Variants in MAGI2 observed in about 807,000 individuals in gnomAD.
MAGI2 encodes membrane associated guanylate kinase, WW and PDZ domain containing 2.
In MAGI2, 35 loss-of-function variants were observed where a neutral mutation model predicts 133.3. The ratio of observed to expected loss-of-function variants is 0.26; its 90% CI spans 0.20 to 0.35. The LOEUF is 0.35. Ranked by LOEUF, MAGI2 falls within the 10% of genes least tolerant of loss-of-function variation. MAGI2 has a pLI of 1.00. For missense variants in MAGI2, 1,636 were observed against 1,863.4 expected (o/e 0.88, Z 2.25); for synonymous variants, 729 against 710.6 (o/e 1.03, Z -0.41).
At chr7:78,113,872 A>C (rs777071964) in intron 20 of MAGI2, among the ~76,000 whole-genome samples, 38 of 152,224 alleles carry the variant, frequency 2.5e-4, no homozygotes, top group Admixed American at 5.2e-4. Context: ...CCTTCCTGGA[A>C]ATATTATTCC....
intron 1 of MAGI2, among the ~76,000 whole-genome samples, chr7:79,105,234 A>G (rs1474181721): frequency 1.3e-5 from 2 of 152,224 alleles, no homozygotes; most frequent in Non-Finnish European, 2.9e-5. Context: ...AAAGCACTAT[A>G]TAATCCCCAG....
At chr7:78,896,514 T>A (rs924646617) in intron 2 of MAGI2, among the ~76,000 whole-genome samples, 1 of 148,926 alleles carries the variant, frequency 6.7e-6, no homozygotes, top group African/African-American at 2.4e-5. Flanking sequence ...AGGAAACCTA[T>A]CCTCTAAATG....
chr7:78,399,829 G>T (rs867456298), intron 6 of MAGI2, among the ~76,000 whole-genome samples: 17 of 122,140 alleles, frequency 1.4e-4, no homozygotes, highest in Admixed American at 1.1e-3. Flanking sequence ...AAAAAAAAAG[G>T]CATAACATTT....
intron 6 of MAGI2, chr7:78,486,781 G>A (rs1269488829): frequency 2.4e-6 from 1 of 418,650 alleles, no homozygotes; most frequent in East Asian, 6.1e-5. Context: ...CGTCAAGTTT[G>A]AAATTCCTAT....
intron 21 of MAGI2, among the ~76,000 whole-genome samples, chr7:78,053,778 A>G (rs1368393899): frequency 6.6e-6 from 1 of 152,164 alleles, no homozygotes; most frequent in Non-Finnish European, 1.5e-5. Context: ...AGGATGACAA[A>G]AACGCGAAGT....
intron 2 of MAGI2, among the ~76,000 whole-genome samples, chr7:78,901,727 C>A (rs532879369): frequency 6.6e-6 from 1 of 151,634 alleles, no homozygotes; most frequent in African/African-American, 2.4e-5. Flanking sequence ...ATTAAGTGAT[C>A]GGTTCTTGTC....
At chr7:78,536,908 C>T (rs1797998159) in intron 3 of MAGI2, among the ~76,000 whole-genome samples, 1 of 151,914 alleles carries the variant, frequency 6.6e-6, no homozygotes, top group South Asian at 2.1e-4. Flanking sequence ...GTGCACTCAG[C>T]ACCTATGCAG....
chr7:79,266,556 G>T (rs529633233), intron 1 of MAGI2, among the ~76,000 whole-genome samples: 27 of 152,196 alleles, frequency 1.8e-4, no homozygotes, highest in Admixed American at 3.3e-4. Flanking sequence ...ATAGGCAACT[G>T]CCCAGGTGAT....
chr7:78,603,119 C>T (rs1372454074), intron 3 of MAGI2, among the ~76,000 whole-genome samples: 1 of 151,550 alleles, frequency 6.6e-6, no homozygotes, highest in Non-Finnish European at 1.5e-5. Flanking sequence ...GTATTTTTTT[C>T]AATTAAAGTG....
At position 79,026,715 on chromosome 7, in the gene MAGI2, A is replaced by G. The variant is rs571659930; in HGVS notation, c.302-19509T>C. On this transcript the variant is annotated intron_variant, in intron 1 of 21. Transcript: ENST00000354212. ...TGATGAAACCCCGTTTCCACTAAAA[A>G]TACAAAAACTTAGTCCGGTGTGTTG... Among the ~76,000 whole-genome samples the G allele has an allele frequency of 2.0e-5, 3 of 152,204 alleles. No homozygotes were observed. The East Asian group carries it at 5.8e-4, about 29-fold the overall frequency.
intron 6 of MAGI2, among the ~76,000 whole-genome samples, chr7:78,423,301 C>T (rs751375960): frequency 2.6e-5 from 4 of 152,148 alleles, no homozygotes; most frequent in South Asian, 2.1e-4. Context: ...ACGCCATCTC[C>T]GTAAGATGTG....
At chr7:78,059,168 G>GTTAAT (rs1344147610) in intron 21 of MAGI2, among the ~76,000 whole-genome samples, 2 of 152,158 alleles carry the variant, frequency 1.3e-5, no homozygotes, top group South Asian at 2.1e-4. Flanking sequence ...CCTGGGGCAT[G>GTTAAT]TTAACAACAG....
chr7:78,948,886 T>C (rs1801646352), intron 2 of MAGI2, among the ~76,000 whole-genome samples: 1 of 152,104 alleles, frequency 6.6e-6, no homozygotes, highest in Non-Finnish European at 1.5e-5. Context: ...TTCTCCTTTT[T>C]ATCCTATAAT....
chr7:78,437,079 G>A (rs1253955470), intron 6 of MAGI2, among the ~76,000 whole-genome samples: 3 of 150,896 alleles, frequency 2.0e-5, no homozygotes, highest in Admixed American at 2.0e-4. Flanking sequence ...GGAGGATGCA[G>A]GAAAATTCCC....
At chr7:78,312,278 G>A (rs954657663) in intron 9 of MAGI2, among the ~76,000 whole-genome samples, 8 of 151,824 alleles carry the variant, frequency 5.3e-5, no homozygotes, top group Non-Finnish European at 8.8e-5. Context: ...ATTTAAATAG[G>A]AAAAATTAGG....
chr7:79,076,335 G>A (rs1815462343), intron 1 of MAGI2, among the ~76,000 whole-genome samples: 1 of 152,254 alleles, frequency 6.6e-6, no homozygotes, highest in Non-Finnish European at 1.5e-5. Flanking sequence ...GACACCTCGT[G>A]GTCTCTGTAA....
intron 2 of MAGI2, among the ~76,000 whole-genome samples, chr7:78,796,570 G>A (rs993388434): frequency 1.3e-5 from 2 of 152,012 alleles, no homozygotes; most frequent in Non-Finnish European, 1.5e-5. Context: ...TATCGAAAAC[G>A]GTATGGAGGT....
intron 1 of MAGI2, among the ~76,000 whole-genome samples, chr7:79,386,293 C>T (rs888164102): frequency 6.6e-6 from 1 of 151,918 alleles, no homozygotes; most frequent in African/African-American, 2.4e-5. Flanking sequence ...GGGAAACTGT[C>T]AGAATTTATG....
At chr7:79,229,323 C>T (rs1831151621) in intron 1 of MAGI2, among the ~76,000 whole-genome samples, 1 of 152,082 alleles carries the variant, frequency 6.6e-6, no homozygotes, top group African/African-American at 2.4e-5. Context: ...CCCATACATG[C>T]TACAAAGAAC....
Sources: allele counts gnomAD v4.1 joint callset (sites outside exome capture counted in the v4.1 genomes callset), GRCh38; gene constraint gnomAD v4.1.1; transcripts MANE v1.5; gene names NCBI Gene and HGNC (gene_info 2026-07-23, HGNC 2026-07-21).